PPP2R2A: variants seen among roughly 807,000 people sequenced by gnomAD.
PPP2R2A encodes protein phosphatase 2 regulatory subunit Balpha.
PPP2R2A carries 9 observed loss-of-function variants against 53.2 expected under a neutral mutation model. The observed-to-expected ratio is 0.17, with a 90% CI of 0.10 to 0.30. The LOEUF is 0.30. PPP2R2A is among the 10% of genes least tolerant of loss of function. The pLI, the probability that PPP2R2A is intolerant of heterozygous loss-of-function variation, is 1.00. For synonymous variants in PPP2R2A, 169 were observed against 174.2 expected (o/e 0.97, Z 0.23); for missense variants, 235 against 534.6 (o/e 0.44, Z 5.53).
At position 26,352,984 on chromosome 8, in the gene PPP2R2A, A is replaced by G. The variant is rs1012049990; in HGVS notation, c.181-1484A>G. On this transcript the variant is annotated intron_variant, in intron 3 of 9. Transcript: ENST00000380737. ...ATATATTATAGTCTCTTTAAGTGTT[A>G]AATGAAAAACCAGTCTAAAATGCAG... Among the ~76,000 whole-genome samples, 11 of 152,224 alleles carry G rather than the reference A, an allele frequency of 7.2e-5. 1 individual carries two copies. Among genetic ancestry groups the G allele is most frequent in the Admixed American group, 7.2e-4 (11 of 15,282 alleles).
intron 3 of PPP2R2A, among the ~76,000 whole-genome samples, chr8:26,353,181 G>A (rs1286761564): frequency 1.3e-5 from 2 of 152,200 alleles, no homozygotes; most frequent in Non-Finnish European, 2.9e-5. Flanking sequence ...CTAATTTTGT[G>A]TATGGGTATG....
rs558341347 is a variant in PPP2R2A, at chr8:26,360,687, C to T, written c.460-287C>T. ...TTCTTTTTAGCCTCTTTAATCTGAA[C>T]CATAAACATTTATTAGCTTGGCATG... On this transcript the variant is annotated intron_variant, in intron 5 of 9. Transcript: ENST00000380737. This position sits in a 1 kb window ranked among gnomAD's most constrained non-coding sequence, Gnocchi z 4.5. 3 of 375,690 alleles carry T rather than the reference C, an allele frequency of 8.0e-6. No homozygotes were observed. Among genetic ancestry groups the T allele is most frequent in the South Asian group, 1.2e-4 (2 of 16,262 alleles). The allele number at this position is 375,690 out of a possible 1,614,324, so 23.3% of individuals were successfully genotyped here.
Position 26,360,122 on chromosome 8 carries a change from T to A in PPP2R2A, c.347-47T>A. On this transcript the variant is annotated intron_variant, in intron 4 of 9. Transcript: ENST00000380737. The surrounding 1 kb of genome is among the most constrained non-coding windows in gnomAD (Gnocchi z 4.5). ...AGCATATTTTAAATGCCTTAAAATG[T>A]TTTTCTTCTTCAGTATTTTAAGGAC... 1 of 1,080,084 alleles carries A rather than the reference T, an allele frequency of 9.3e-7. No individual in the cohort carries two copies. The allele number at this position is 1,080,084 out of a possible 1,614,324, so 66.9% of individuals were successfully genotyped here. A position where few individuals can be genotyped will look rare whatever the true frequency, so the allele number is the denominator to read the frequency against.
At position 26,293,501 on chromosome 8, in the gene PPP2R2A, A is replaced by G. The variant is rs550142558; in HGVS notation, c.8-165A>G. 9.2e-4 allele frequency: 649 copies of G among 705,470 alleles called. 2 individuals are homozygous for G. Among genetic ancestry groups the G allele is most frequent in the Middle Eastern group, 1.5e-3 (6 of 4,084 alleles). The allele number at this position is 705,470 out of a possible 1,614,324, so 43.7% of individuals were successfully genotyped here. A position where few individuals can be genotyped will look rare whatever the true frequency, so the allele number is the denominator to read the frequency against. Reference sequence around the variant, plus strand: ...TTTTTTTCTTTCTAATGCAGTACCAAGTATTGGGGACTAACCTCTTTCCAA... The same window carrying G: ...TTTTTTTCTTTCTAATGCAGTACCAGGTATTGGGGACTAACCTCTTTCCAA... On this transcript the variant is annotated intron_variant, in intron 1 of 9. Coordinates refer to ENST00000380737, the MANE Select transcript of PPP2R2A (RefSeq NM_002717.4).
At chr8:26,311,865 T>G (rs556710860) in intron 2 of PPP2R2A, among the ~76,000 whole-genome samples, 8 of 152,026 alleles carry the variant, frequency 5.3e-5, no homozygotes, top group Non-Finnish European at 1.5e-5. Context: ...TGCAGGAGGG[T>G]CCAAAGCACC....
At position 26,362,472 on chromosome 8, in the gene PPP2R2A, TCCAG is replaced by T. The variant is rs758564889; in HGVS notation, c.638-209_638-206del. Among the ~76,000 whole-genome samples the T allele has an allele frequency of 1.1e-4, 16 of 152,028 alleles. No individual in the cohort carries two copies. The highest frequency in any genetic ancestry group is 2.1e-4 in the Non-Finnish European group (14 of 68,020). On this transcript the variant is annotated intron_variant, in intron 6 of 9. Transcript: ENST00000380737. This position sits in a 1 kb window ranked among gnomAD's most constrained non-coding sequence, Gnocchi z 4.4. ...GTGAGCCGAGATTGCGCCACTGCACTCCAGCCTGGGTGACAGAGTGAAACTCCGT... is the reference window on the plus strand; with the variant it reads ...GTGAGCCGAGATTGCGCCACTGCACTCCTGGGTGACAGAGTGAAACTCCGT...
At chr8:26,361,684 G>A (rs2117406490) in intron 6 of PPP2R2A, among the ~76,000 whole-genome samples, 1 of 152,206 alleles carries the variant, frequency 6.6e-6, no homozygotes, top group Non-Finnish European at 1.5e-5. Context: ...GTCTCACCTG[G>A]CTGCGGTGAC....
chr8:26,293,017 G>A (rs1457384425), intron 1 of PPP2R2A: 4 of 434,962 alleles, frequency 9.2e-6, no homozygotes, highest in Non-Finnish European at 1.6e-5. Flanking sequence ...GATGACATTA[G>A]CAAAATGAAT....
chr8:26,292,386 A>T, intron 1 of PPP2R2A: 1 of 985,780 alleles, frequency 1.0e-6, no homozygotes, highest in African/African-American at 1.7e-5. Flanking sequence ...TTTTGTTTCG[A>T]ACCATTTCGT....
intron 9 of PPP2R2A, among the ~76,000 whole-genome samples, chr8:26,368,096 G>C (rs17055172): frequency 6.6e-6 from 1 of 152,008 alleles, no homozygotes; most frequent in African/African-American, 2.4e-5. Context: ...CACAGCCTAG[G>C]TGTCCTAATA....
chr8:26,322,522 A>T (rs1365306556), intron 2 of PPP2R2A, among the ~76,000 whole-genome samples: 1 of 152,116 alleles, frequency 6.6e-6, no homozygotes, highest in Non-Finnish European at 1.5e-5. Context: ...TATCCTTTAC[A>T]TAGGCAGTGC....
At chr8:26,298,305 C>G (rs1160656738) in intron 2 of PPP2R2A, among the ~76,000 whole-genome samples, 1 of 152,158 alleles carries the variant, frequency 6.6e-6, no homozygotes, top group East Asian at 1.9e-4. Context: ...CTCCTTAATC[C>G]CTAGTCCATC....
intron 1 of PPP2R2A, among the ~76,000 whole-genome samples, chr8:26,292,776 A>G (rs1221025539): frequency 6.6e-6 from 1 of 152,204 alleles, no homozygotes; most frequent in Non-Finnish European, 1.5e-5. Flanking sequence ...ATTTAGATTC[A>G]GTTTCTTTCT....
chr8:26,356,255 C>A (rs926738922), intron 4 of PPP2R2A, among the ~76,000 whole-genome samples: 4 of 152,140 alleles, frequency 2.6e-5, no homozygotes, highest in African/African-American at 9.7e-5. Flanking sequence ...CTAATTGATG[C>A]CCCTCGTCCA....
intron 3 of PPP2R2A, chr8:26,340,022 G>T (rs999970882): frequency 2.0e-5 from 3 of 152,000 alleles, no homozygotes; most frequent in Admixed American, 1.3e-4. Context: ...CTGATTAGAA[G>T]ATGCACAAAC....
chr8:26,348,801 A>G (rs1414067582), intron 3 of PPP2R2A, among the ~76,000 whole-genome samples: 1 of 152,208 alleles, frequency 6.6e-6, no homozygotes, highest in Non-Finnish European at 1.5e-5. Context: ...TCCACAAAGA[A>G]TAAAATCAAA....
At position 26,370,495 on chromosome 8, in the gene PPP2R2A, G is replaced by A. The variant is rs1024153011; in HGVS notation, c.*82G>A. The A allele has an allele frequency of 6.8e-7, 1 of 1,470,254 alleles. No individual in the cohort carries two copies. Among genetic ancestry groups the A allele is most frequent in the South Asian group, 1.3e-5 (1 of 79,252 alleles). The allele number at this position is 1,470,254 out of a possible 1,614,324, so 91.1% of individuals were successfully genotyped here. On this transcript the variant is annotated 3_prime_UTR_variant, in exon 10 of 10. Coordinates refer to ENST00000380737, the MANE Select transcript of PPP2R2A (RefSeq NM_002717.4). This position sits in a 1 kb window ranked among gnomAD's most constrained non-coding sequence, Gnocchi z 6.1. ...AGCATTCGTTCCTATAAAAGAGAGA[G>A]GTCCATTGTGGCGCCCCTTTCCAGT...
chr8:26,355,918 T>C (rs76437608), intron 4 of PPP2R2A, among the ~76,000 whole-genome samples: 2,832 of 152,180 alleles, frequency 0.019, 42 homozygotes, highest in Admixed American at 0.048. Context: ...TTTGAAATCC[T>C]TTATGATGAG....
chr8:26,325,230 G>A (rs1803027311), intron 2 of PPP2R2A, among the ~76,000 whole-genome samples: 1 of 151,800 alleles, frequency 6.6e-6, no homozygotes, highest in Non-Finnish European at 1.5e-5. Flanking sequence ...GTTGTGGGTG[G>A]ACCCATGGGG....
Sources: allele counts gnomAD v4.1 joint callset (sites outside exome capture counted in the v4.1 genomes callset), GRCh38; gene constraint gnomAD v4.1.1; non-coding constraint Gnocchi (gnomAD v3.1); transcripts MANE v1.5; gene names NCBI Gene and HGNC (gene_info 2026-07-23, HGNC 2026-07-21).